Variants in CRB1 observed in about 807,000 individuals in gnomAD.
CRB1 encodes the protein protein crumbs homolog 1.
CRB1 carries 83 observed loss-of-function variants against 120.0 expected under a neutral mutation model. That is an observed-to-expected ratio of 0.69 (90% CI 0.58 to 0.83). The LOEUF is 0.83. Among genes scored for constraint, CRB1 ranks in the 40% least tolerant of loss-of-function variants. CRB1 has a pLI of 0.00. For missense variants in CRB1, 1,699 were observed against 1,687.6 expected, an observed-to-expected ratio of 1.01 and a Z score of -0.12; for synonymous variants, 625 against 612.5, an observed-to-expected ratio of 1.02 and a Z score of -0.30.
the CRB1 span, among the ~76,000 whole-genome samples, chr1:197,245,341 A>G: frequency 6.6e-6 from 1 of 152,046 alleles, no homozygotes; most frequent in Non-Finnish European, 1.5e-5. Context: ...CTGCTTTAAA[A>G]TCTTTGTTAG....
chr1:197,392,490 C>T (rs1383818711), intron 5 of CRB1, among the ~76,000 whole-genome samples: 1 of 152,046 alleles, frequency 6.6e-6, no homozygotes, highest in Non-Finnish European at 1.5e-5. Flanking sequence ...ATTCTTTTTA[C>T]TTGAACATGC....
intron 5 of CRB1, among the ~76,000 whole-genome samples, chr1:197,406,076 A>T (rs1663375429): frequency 6.6e-6 from 1 of 152,158 alleles, no homozygotes; most frequent in African/African-American, 2.4e-5. Context: ...TGGGAGGTGT[A>T]CCCAACAGCT....
At chr1:197,255,362 C>T in the CRB1 span, among the ~76,000 whole-genome samples, 9 of 152,102 alleles carry the variant, frequency 5.9e-5, no homozygotes, top group African/African-American at 2.2e-4. Flanking sequence ...CTATTCATAT[C>T]TATTCTCTTG....
chr1:197,244,192 T>C, the CRB1 span, among the ~76,000 whole-genome samples: 1 of 152,170 alleles, frequency 6.6e-6, no homozygotes, highest in Non-Finnish European at 1.5e-5. Context: ...TTAATATTGT[T>C]ATGTTTGAAT....
chr1:197,297,502 A>G (rs1571790509), intron 1 of CRB1, among the ~76,000 whole-genome samples: 1 of 152,178 alleles, frequency 6.6e-6, no homozygotes, highest in East Asian at 1.9e-4. Flanking sequence ...AAAGTACTGC[A>G]TGGGAGTGCA....
rs985452204 is a variant in CRB1, at chr1:197,437,629, T to C, written c.3750-918T>C. On this transcript the variant is annotated intron_variant, in intron 9 of 11. Coordinates refer to ENST00000367400, the MANE Select transcript of CRB1 (RefSeq NM_201253.3). ...AGCTGGTTGACATTTTTGGCTCTTT[T>C]GAAAAGTCTTTATGATATCCTTCTT... Among the ~76,000 whole-genome samples, 4 of 122,828 alleles carry C rather than the reference T, an allele frequency of 3.3e-5. No individual in the cohort carries two copies. The South Asian group carries it at 1.3e-3, about 41-fold the overall frequency. The allele number at this position is 122,828 out of a possible 152,430, so 80.6% of individuals were successfully genotyped here.
chr1:197,209,312 ATTTTTGTTTTGTTTTTG>A, the CRB1 span, among the ~76,000 whole-genome samples: 2 of 151,500 alleles, frequency 1.3e-5, no homozygotes, highest in Non-Finnish European at 3.0e-5. Context: ...TTCTCTTGCC[ATTTTTGTTTTGTTTTTG>A]TTTTTGTTTT....
chr1:197,400,325 T>A (rs1020156571), intron 5 of CRB1, among the ~76,000 whole-genome samples: 101 of 135,620 alleles, frequency 7.4e-4, no homozygotes, highest in Non-Finnish European at 9.0e-4. Context: ...TTTTTTTTTT[T>A]AAAACAGATA....
At chr1:197,396,430 T>C (rs1005713720) in intron 5 of CRB1, among the ~76,000 whole-genome samples, 2 of 152,108 alleles carry the variant, frequency 1.3e-5, no homozygotes, top group Non-Finnish European at 2.9e-5. Flanking sequence ...GTAATCCAAA[T>C]GAAAATATCA....
intron 8 of CRB1, among the ~76,000 whole-genome samples, chr1:197,432,524 A>T (rs909678690): frequency 8.5e-5 from 13 of 152,178 alleles, no homozygotes; most frequent in Admixed American, 8.5e-4. Flanking sequence ...ACTTTTCAGG[A>T]TACAGGATGG....
chr1:197,227,079 T>A, the CRB1 span, among the ~76,000 whole-genome samples: 1 of 152,120 alleles, frequency 6.6e-6, no homozygotes, highest in Non-Finnish European at 1.5e-5. Context: ...ATTCCATCCT[T>A]GACCCCTCCA....
chr1:197,347,235 A>T (rs913193664), intron 3 of CRB1, 105 bp from the exon 4 acceptor site: 1 of 993,216 alleles, frequency 1.0e-6, no homozygotes, highest in African/African-American at 1.6e-5. Context: ...AGGTAGTAAG[A>T]TGATGCCATG....
chr1:197,470,437 C>A (rs1666933940), intron 11 of CRB1, among the ~76,000 whole-genome samples: 1 of 152,190 alleles, frequency 6.6e-6, no homozygotes, highest in South Asian at 2.1e-4. Context: ...TCTGGCAAAC[C>A]ACTGACACAG....
At chr1:197,365,626 C>CTTTT (rs375542477) in intron 5 of CRB1, among the ~76,000 whole-genome samples, 2,965 of 121,772 alleles carry the variant, frequency 0.024, 138 homozygotes, top group African/African-American at 0.093. Context: ...TCTTCTTCTT[C>CTTTT]TTTTTTTTTT....
the CRB1 span, among the ~76,000 whole-genome samples, chr1:197,217,132 G>A: frequency 1.3e-5 from 2 of 152,070 alleles, no homozygotes; most frequent in African/African-American, 2.4e-5. Flanking sequence ...ATGAAAAGAT[G>A]CTCAATATTG....
chr1:197,451,241 A>C (rs891843284), intron 11 of CRB1, among the ~76,000 whole-genome samples: 3 of 152,214 alleles, frequency 2.0e-5, no homozygotes, highest in Non-Finnish European at 2.9e-5. Flanking sequence ...TGATTAGCAC[A>C]ATTCATGCAT....
chr1:197,367,869 C>A (rs952471174), intron 5 of CRB1, among the ~76,000 whole-genome samples: 2 of 152,122 alleles, frequency 1.3e-5, no homozygotes, highest in African/African-American at 2.4e-5. Context: ...CTTCAAACCT[C>A]GGGCAAAAAT....
intron 2 of CRB1, among the ~76,000 whole-genome samples, chr1:197,339,551 G>A (rs566574275): frequency 6.6e-6 from 1 of 152,304 alleles, no homozygotes; most frequent in Non-Finnish European, 1.5e-5. Flanking sequence ...TATTTCCAAA[G>A]CGTGGACTCT....
Position 197,288,363 on chromosome 1 carries a change from C to A in CRB1, c.70+19881C>A, listed in dbSNP as rs1655959234. Among the ~76,000 whole-genome samples, 3 of 151,082 alleles carry A rather than the reference C, an allele frequency of 2.0e-5. No individual in the cohort carries two copies. In the South Asian group the frequency reaches 6.2e-4, roughly 31 times the overall value. The stretch of plus-strand genomic sequence containing the variant: ...TATTGCTTCGGTAGTTACAAATATT[C>A]TCCTCCAGATTCGATACGGTCTTGT... On this transcript the variant is annotated intron_variant, in intron 1 of 11. Coordinates refer to ENST00000367400, the MANE Select transcript of CRB1 (RefSeq NM_201253.3).
Sources: gnomAD v4.1 joint callset for allele counts (sites outside exome capture counted in the v4.1 genomes callset) on GRCh38, gnomAD v4.1.1 for gene constraint, MANE v1.5 for transcripts, NCBI Gene and HGNC (gene_info 2026-07-23, HGNC 2026-07-21) for gene names.